Variants in RBM4B observed in about 807,000 individuals in gnomAD.
RBM4B encodes RNA-binding protein 4B.
A neutral mutation model predicts 28.5 loss-of-function variants in RBM4B; 13 were observed. The observed-to-expected ratio is 0.46, with a 90% confidence interval of 0.30 to 0.72. The LOEUF (loss-of-function observed/expected upper bound fraction) is 0.72. Ranked by LOEUF, RBM4B falls within the 30% of genes least tolerant of loss-of-function variation. The probability of loss-of-function intolerance (pLI) is 0.09; values close to 1 mark genes in which losing one functional copy is unlikely to be tolerated. For missense variants in RBM4B, 387 were observed against 477.6 expected (o/e 0.81, Z 1.77); for synonymous variants, 167 against 179.1 (o/e 0.93, Z 0.54).
Position 66,677,885 on chromosome 11 carries a change from T to C in RBM4B, c.-134A>G, listed in dbSNP as rs1308658932. 6.6e-6 allele frequency: 1 copy of C among 152,544 alleles called. No individual in the cohort carries two copies. Among genetic ancestry groups the C allele is most frequent in the South Asian group, 2.1e-4 (1 of 4,836 alleles). The allele number at this position is 152,544 out of a possible 1,614,324, so 9.4% of individuals were successfully genotyped here. Reference sequence around the variant, plus strand: ...GCGCGCCAGCTCACGCACGCGCGAGTGCGCGCTGCTTCCCTCCCCTTCCCC... The same window carrying C: ...GCGCGCCAGCTCACGCACGCGCGAGCGCGCGCTGCTTCCCTCCCCTTCCCC... On this transcript the variant is annotated 5_prime_UTR_variant, in exon 1 of 4. Coordinates refer to ENST00000310046, the MANE Select transcript of RBM4B (RefSeq NM_031492.4).
chr11:66,667,632 C>T (rs1446461859), intron 3 of RBM4B: 1 of 151,882 alleles, frequency 6.6e-6, no homozygotes, highest in Non-Finnish European at 1.5e-5. Context: ...TATAGGACTT[C>T]CTCTGGCATG....
intron 3 of RBM4B, chr11:66,667,877 T>C (rs1189658671): frequency 1.3e-5 from 2 of 152,108 alleles, no homozygotes; most frequent in Non-Finnish European, 2.9e-5. Flanking sequence ...CCTGCTAATT[T>C]AATTTTCTTT....
At chr11:66,671,104 G>A in intron 2 of RBM4B, 1 of 688,542 alleles carries the variant, frequency 1.5e-6, no homozygotes, top group Non-Finnish European at 2.7e-6. Context: ...CAATGTCAAA[G>A]AGTCCTATCA....
intron 2 of RBM4B, 92 bp from the exon 3 acceptor site, chr11:66,669,383 G>T: frequency 8.2e-7 from 1 of 1,218,988 alleles, no homozygotes; most frequent in Non-Finnish European, 1.2e-6. Flanking sequence ...GTTGTCATAA[G>T]ACACATAGAC....
At chr11:66,665,833 C>T in intron 3 of RBM4B, 7 of 1,507,912 alleles carry the variant, frequency 4.6e-6, no homozygotes, top group Non-Finnish European at 6.2e-6. Context: ...GTGATAAATA[C>T]ATCTTTCTTA....
At chr11:66,666,509 C>T (rs1565091096) in intron 3 of RBM4B, 1 of 938,192 alleles carries the variant, frequency 1.1e-6, no homozygotes, top group Admixed American at 6.2e-5. Context: ...AGGTAAGTTT[C>T]TTTAAAAGTC....
intron 2 of RBM4B, among the ~76,000 whole-genome samples, chr11:66,672,717 G>A (rs1170258206): frequency 8.6e-5 from 13 of 151,948 alleles, no homozygotes; most frequent in African/African-American, 7.3e-5. Flanking sequence ...GGCTGGTCTC[G>A]AACTCCTGAC....
At chr11:66,671,479 C>A (rs545992039) in intron 2 of RBM4B, among the ~76,000 whole-genome samples, 1 of 152,234 alleles carries the variant, frequency 6.6e-6, no homozygotes, top group African/African-American at 2.4e-5. Context: ...TCAGAGTGAC[C>A]ATGACAGTCT....
chr11:66,672,516 G>GGA (rs1173580742), intron 2 of RBM4B, among the ~76,000 whole-genome samples: 1 of 147,694 alleles, frequency 6.8e-6, no homozygotes, highest in East Asian at 2.1e-4. Context: ...GGGGGGGGGG[G>GGA]ACAGATTCTT....
intron 2 of RBM4B, among the ~76,000 whole-genome samples, chr11:66,670,521 A>G (rs575171165): frequency 2.0e-5 from 3 of 152,292 alleles, no homozygotes; most frequent in Admixed American, 6.5e-5. Flanking sequence ...GAAGAAAACA[A>G]TCTTTGCCCA....
chr11:66,674,082 G>T (rs758415350), intron 2 of RBM4B, among the ~76,000 whole-genome samples: 1 of 151,426 alleles, frequency 6.6e-6, no homozygotes, highest in Non-Finnish European at 1.5e-5. Flanking sequence ...TGGATCCACT[G>T]CATTATTCAG....
intron 2 of RBM4B, among the ~76,000 whole-genome samples, chr11:66,671,374 A>G (rs1470538839): frequency 1.3e-5 from 2 of 152,198 alleles, no homozygotes; most frequent in South Asian, 4.1e-4. Flanking sequence ...AGTTCCCTAT[A>G]ATTTAGACTA....
At position 66,672,517 on chromosome 11, in the gene RBM4B, A is replaced by G. The variant is rs1348448556; in HGVS notation, c.413-3226T>C. On this transcript the variant is annotated intron_variant, in intron 2 of 3. Transcript: ENST00000310046. The stretch of plus-strand genomic sequence containing the variant: ...TTATTAATTTTTTTGGGGGGGGGGG[A>G]CAGATTCTTGCTCTGTCGCCCAGGC... Among the ~76,000 whole-genome samples, 98 of 124,382 alleles carry G rather than the reference A, an allele frequency of 7.9e-4. No homozygotes were observed. In the Middle Eastern group the frequency reaches 0.013, roughly 16 times the overall value. The allele number at this position is 124,382 out of a possible 152,430, so 81.6% of individuals were successfully genotyped here.
chr11:66,674,273 G>A (rs1358030825), intron 2 of RBM4B, among the ~76,000 whole-genome samples: 2 of 149,272 alleles, frequency 1.3e-5, no homozygotes, highest in Non-Finnish European at 3.0e-5. Flanking sequence ...CCCCAGGCTG[G>A]AGTACAGTGG....
chr11:66,665,226 C>T lies in RBM4B; in HGVS notation c.*362G>A. On this transcript the variant is annotated 3_prime_UTR_variant, in exon 4 of 4. Coordinates refer to ENST00000310046, the MANE Select transcript of RBM4B (RefSeq NM_031492.4). ...AAAAGGCTGCTTGCCACTACATGGTCATTTTAAAGGGAAAGGAGATGCTGC... is the reference window on the plus strand; with the variant it reads ...AAAAGGCTGCTTGCCACTACATGGTTATTTTAAAGGGAAAGGAGATGCTGC... 1 of 285,774 alleles carries T rather than the reference C, an allele frequency of 3.5e-6. No homozygotes were observed. The highest frequency in any genetic ancestry group is 8.4e-5 in the East Asian group (1 of 11,884). The allele number at this position is 285,774 out of a possible 1,614,324, so 17.7% of individuals were successfully genotyped here.
rs1485629395 is a variant in RBM4B, at chr11:66,668,831, AGCAGCAGCCATAGCAGCTGAAGTG to A, written c.849_872del (p.Thr284_Ala291del). 6.2e-7 allele frequency: 1 copy of A among 1,613,090 alleles called. No homozygotes were observed. The highest frequency in any genetic ancestry group is 8.5e-7 in the Non-Finnish European group (1 of 1,179,058). ...CATAGTAGGAGGAAGTGGTGGCTGC[AGCAGCAGCCATAGCAGCTGAAGTG>A]GCAGCAGCGCCAGAGTTTGGCAATA... On this transcript the variant is annotated inframe_deletion, in exon 3 of 4. Transcript: ENST00000310046.
rs776307445 is a variant in RBM4B at position 66,676,729 on chromosome 11, G to C, written c.351C>G (p.His117Gln). The change falls in exon 2 of 4, where the codon CAC becomes CAG. Residue 117 changes from histidine to glutamine, a missense_variant. His to Gln is a conservative substitution (Grantham distance 24). This residue lies in a region of RBM4B where 161 missense variants were observed against 256.9 expected (regional missense o/e 0.63). Transcript: ENST00000310046. Reference sequence around the variant, plus strand: ...CCACTGCATCCTCTGCCCGCTCCATGTGTACGAAGGCATAATCTTTCACGA... The same window carrying C: ...CCACTGCATCCTCTGCCCGCTCCATCTGTACGAAGGCATAATCTTTCACGA... The part of the protein sequence containing the change: ...CDIVKDYAFV[H>Q]MERAEDAVEA... 1 of 1,614,104 alleles carries C rather than the reference G, an allele frequency of 6.2e-7. No homozygotes were observed. Among genetic ancestry groups the C allele is most frequent in the African/African-American group, 1.3e-5 (1 of 75,008 alleles).
chr11:66,670,682 T>C (rs1027262797), intron 2 of RBM4B, among the ~76,000 whole-genome samples: 3 of 151,892 alleles, frequency 2.0e-5, no homozygotes, highest in African/African-American at 7.3e-5. Context: ...TTCCAAATTG[T>C]AGCCAAAAGA....
intron 2 of RBM4B, among the ~76,000 whole-genome samples, chr11:66,671,188 A>G (rs117059895): frequency 1.6e-3 from 237 of 152,348 alleles, no homozygotes; most frequent in Non-Finnish European, 2.8e-3. Flanking sequence ...CGCATCCACT[A>G]TCACCAATAG....
Sources: gnomAD v4.1 joint callset for allele counts (sites outside exome capture counted in the v4.1 genomes callset) on GRCh38, gnomAD v4.1.1 for gene constraint, gnomAD v4.1.1 regional missense constraint, MANE v1.5 for transcripts, NCBI Gene and HGNC (gene_info 2026-07-23, HGNC 2026-07-21) for gene names.